Variants in GPR55 observed in about 807,000 individuals in gnomAD.
The protein encoded by GPR55 is G protein-coupled receptor 55, also known as G-protein coupled receptor 55.
GPR55 carries 6 observed loss-of-function variants against 7.9 expected under a neutral mutation model. The ratio of observed to expected loss-of-function variants is 0.76; its 90% confidence interval spans 0.41 to 1.49. GPR55 has a LOEUF of 1.49. Among genes scored for constraint, GPR55 ranks in the 40% most tolerant of loss-of-function variants. The pLI is 0.01. For missense variants in GPR55, 376 were observed against 406.0 expected, an observed-to-expected ratio of 0.93 and a Z score of 0.63; for synonymous variants, 183 against 166.8, an observed-to-expected ratio of 1.10 and a Z score of -0.75.
chr2:230,929,358 G>A (rs939881965), upstream of GPR55, among the ~76,000 whole-genome samples: 2 of 152,282 alleles, frequency 1.3e-5, no homozygotes, highest in African/African-American at 4.8e-5. Context: ...AATTGAAGAT[G>A]TCTCCTTGAA....
chr2:230,947,949 C>T (rs576864844), intron 1 of GPR55, among the ~76,000 whole-genome samples: 5 of 152,258 alleles, frequency 3.3e-5, no homozygotes, highest in African/African-American at 9.6e-5. Context: ...CTCGGCATCC[C>T]GCCTCACCAG....
At chr2:230,953,439 G>T (rs1691435068) in intron 1 of GPR55, among the ~76,000 whole-genome samples, 1 of 152,150 alleles carries the variant, frequency 6.6e-6, no homozygotes, top group Non-Finnish European at 1.5e-5. Flanking sequence ...GAAGACGGAA[G>T]AAGGGGCCAT....
upstream of GPR55, chr2:230,929,529 G>A (rs1690998370): frequency 1.3e-5 from 2 of 152,242 alleles, no homozygotes. Flanking sequence ...AAGGTTACAG[G>A]AGAAGGTTGC....
chr2:230,958,348 T>C (rs926179903), intron 1 of GPR55, among the ~76,000 whole-genome samples: 4 of 152,366 alleles, frequency 2.6e-5, no homozygotes, highest in Middle Eastern at 3.4e-3. Flanking sequence ...TCATGGAGAA[T>C]GGGGTATCCA....
At chr2:230,931,307 A>G (rs934172300) in intron 1 of GPR55, among the ~76,000 whole-genome samples, 2 of 152,174 alleles carry the variant, frequency 1.3e-5, no homozygotes, top group African/African-American at 2.4e-5. Context: ...ACACTTTACA[A>G]ATTAAGTCTG....
intron 1 of GPR55, among the ~76,000 whole-genome samples, chr2:230,921,730 G>A (rs573391886): frequency 6.6e-6 from 1 of 152,342 alleles, no homozygotes; most frequent in Non-Finnish European, 1.5e-5. Context: ...TCCTGGAAGT[G>A]GAATGGGAGT....
chr2:230,939,031 G>A (rs886755109), intron 1 of GPR55, among the ~76,000 whole-genome samples: 4 of 152,230 alleles, frequency 2.6e-5, no homozygotes, highest in African/African-American at 4.8e-5. Context: ...GGCTCCTGCC[G>A]TGTGGCCAGT....
chr2:230,938,397 CA>C (rs66962280), intron 1 of GPR55, among the ~76,000 whole-genome samples: 60,307 of 116,030 alleles, frequency 0.52, 15,106 homozygotes, highest in African/African-American at 0.76. Context: ...ACCAGATGAC[CA>C]AAAAAAAAAA....
At position 230,923,576 on chromosome 2, in the gene GPR55, C is replaced by T. The variant is rs775596434; in HGVS notation, c.-135+1592G>A. Among the ~76,000 whole-genome samples the T allele has an allele frequency of 6.6e-6, 1 of 151,978 alleles. No homozygotes were observed. The highest frequency in any genetic ancestry group is 1.5e-5 in the Non-Finnish European group (1 of 67,988). On this transcript the variant is annotated intron_variant, in intron 1 of 1. Coordinates refer to ENST00000650999, the MANE Select transcript of GPR55 (RefSeq NM_005683.4). This position sits in a 1 kb window ranked among gnomAD's most constrained non-coding sequence, Gnocchi z 4.1. Reference sequence around the variant, plus strand: ...GCACATGACCACAATCTCCCCAATGCCTGAATGTTGCTGGAGCTTGGGCTG... The same window carrying T: ...GCACATGACCACAATCTCCCCAATGTCTGAATGTTGCTGGAGCTTGGGCTG...
chr2:230,926,243 C>G (rs1023929421), upstream of GPR55, among the ~76,000 whole-genome samples: 3 of 152,206 alleles, frequency 2.0e-5, no homozygotes, highest in African/African-American at 7.2e-5. Context: ...CTGGGTCTTC[C>G]CACTGTCTGG....
intron 1 of GPR55, among the ~76,000 whole-genome samples, chr2:230,932,074 C>G (rs550229674): frequency 9.8e-5 from 15 of 152,316 alleles, no homozygotes; most frequent in Middle Eastern, 3.4e-3. Context: ...AAAAAAATCT[C>G]GGTTCTGAGG....
chr2:230,916,763 C>T, intron 1 of GPR55, among the ~76,000 whole-genome samples: 1 of 151,502 alleles, frequency 6.6e-6, no homozygotes, highest in East Asian at 1.9e-4. Flanking sequence ...TAAAAGCAAC[C>T]ACTATTAAAA....
chr2:230,915,067 C>G (rs1259205462), intron 1 of GPR55, among the ~76,000 whole-genome samples: 2 of 152,214 alleles, frequency 1.3e-5, no homozygotes, highest in Non-Finnish European at 2.9e-5. Context: ...TGGAGGAGCC[C>G]CACATCCGCA....
chr2:230,958,774 T>TA (rs1691528125), intron 1 of GPR55, among the ~76,000 whole-genome samples: 3 of 152,368 alleles, frequency 2.0e-5, no homozygotes, highest in African/African-American at 7.2e-5. Context: ...TGGTAATGTG[T>TA]AAATATCCCA....
intron 1 of GPR55, among the ~76,000 whole-genome samples, chr2:230,932,500 T>C (rs912645539): frequency 5.2e-4 from 79 of 151,436 alleles, no homozygotes; most frequent in Non-Finnish European, 1.1e-3. Flanking sequence ...AAGTCTTCAG[T>C]GTTCATTAAA....
At chr2:230,938,904 G>T (rs769553408) in intron 1 of GPR55, among the ~76,000 whole-genome samples, 2 of 152,194 alleles carry the variant, frequency 1.3e-5, no homozygotes, top group African/African-American at 4.8e-5. Flanking sequence ...CTCCAGGAGG[G>T]CCTGGCCTTT....
intron 1 of GPR55, among the ~76,000 whole-genome samples, chr2:230,932,216 C>T (rs1218482777): frequency 1.3e-5 from 2 of 152,244 alleles, no homozygotes; most frequent in Non-Finnish European, 1.5e-5. Context: ...GCCTGCCCGT[C>T]AGGTGGTTGC....
chr2:230,922,055 C>CAG (rs143165953), intron 1 of GPR55, among the ~76,000 whole-genome samples: 17,668 of 152,086 alleles, frequency 0.12, 1,061 homozygotes, highest in Middle Eastern at 0.16. Flanking sequence ...TCTCTGTCAC[C>CAG]AGAGGTATGC....
chr2:230,935,462 G>A (rs13382621), intron 1 of GPR55, among the ~76,000 whole-genome samples: 55,511 of 151,834 alleles, frequency 0.37, 10,932 homozygotes, highest in African/African-American at 0.52. Flanking sequence ...GTTTTGCCCA[G>A]TTGATTGAGT....
Sources: gnomAD v4.1 joint callset for allele counts (sites outside exome capture counted in the v4.1 genomes callset) on GRCh38, gnomAD v4.1.1 for gene constraint, Gnocchi (gnomAD v3.1) non-coding constraint, MANE v1.5 for transcripts, NCBI Gene and HGNC (gene_info 2026-07-23, HGNC 2026-07-21) for gene names.